EBF1: variants seen among roughly 807,000 people sequenced by gnomAD.
EBF1 encodes EBF transcription factor 1.
A neutral mutation model predicts 68.4 loss-of-function variants in EBF1; 10 were observed. The observed-to-expected ratio is 0.15, with a 90% CI of 0.09 to 0.25. The LOEUF (loss-of-function observed/expected upper bound fraction) is 0.25, where lower values mean the gene tolerates loss of function less well. EBF1 is among the 10% of genes least tolerant of loss of function. EBF1 has a pLI of 1.00. For synonymous variants in EBF1, 298 were observed against 299.8 expected (o/e 0.99, Z 0.06); for missense variants, 509 against 794.4 (o/e 0.64, Z 4.32).
chr5:158,756,904 T>C (rs1250880334), intron 10 of EBF1, among the ~76,000 whole-genome samples: 1 of 151,010 alleles, frequency 6.6e-6, no homozygotes, highest in Non-Finnish European at 1.5e-5. Context: ...GCCTTGAAGT[T>C]GAGGCACTGG....
At chr5:158,964,690 T>G (rs1373600315) in intron 6 of EBF1, among the ~76,000 whole-genome samples, 3 of 150,656 alleles carry the variant, frequency 2.0e-5, no homozygotes, top group Non-Finnish European at 4.4e-5. Flanking sequence ...GAGCTGAGCT[T>G]GGAAGGACCC....
At chr5:158,864,416 C>T (rs985501240) in intron 6 of EBF1, among the ~76,000 whole-genome samples, 4 of 151,974 alleles carry the variant, frequency 2.6e-5, no homozygotes, top group Admixed American at 1.3e-4. Context: ...TCACAGACTA[C>T]GAGAATGAGG....
chr5:158,934,633 A>G lies in EBF1; in HGVS notation c.555-94523T>C, dbSNP rs76304078. On this transcript the variant is annotated intron_variant, in intron 6 of 15. Coordinates refer to ENST00000313708, the MANE Select transcript of EBF1 (RefSeq NM_024007.5). ...TACAGAGTCTGGCACTGTAGAACTT[A>G]TAATCAGTCCAAACATTTTTCCTCT... 9.8e-3 allele frequency among the ~76,000 whole-genome samples: 1,500 copies of G among 152,378 alleles called. 9 individuals carry two copies. The highest frequency in any genetic ancestry group is 0.014 in the Middle Eastern group (4 of 294).
chr5:158,736,690 C>G (rs1765259042), intron 10 of EBF1, among the ~76,000 whole-genome samples: 1 of 152,182 alleles, frequency 6.6e-6, no homozygotes, highest in African/African-American at 2.4e-5. Context: ...GCATTTCCCT[C>G]CAAGGCAGAT....
intron 6 of EBF1, among the ~76,000 whole-genome samples, chr5:159,001,013 A>G (rs1184305951): frequency 6.6e-6 from 1 of 152,134 alleles, no homozygotes. Context: ...TTTTTTTCCA[A>G]CTATATATAT....
In EBF1 at chr5:158,994,296, G is replaced by T. The variant is rs188198218; in HGVS notation, c.554+79100C>A. On this transcript the variant is annotated intron_variant, in intron 6 of 15. Coordinates refer to ENST00000313708, the MANE Select transcript of EBF1 (RefSeq NM_024007.5). ...CTAATTTTCTATAAGTACAATGAGC[G>T]ATCTGATTCCAGATATTATTTGGGT... 2.6e-5 allele frequency among the ~76,000 whole-genome samples: 4 copies of T among 152,316 alleles called. No individual in the cohort carries two copies. The East Asian group carries it at 5.8e-4, about 22-fold the overall frequency.
At position 158,791,620 on chromosome 5, in the gene EBF1, A is replaced by G. The variant is rs139784021; in HGVS notation, c.909+4725T>C. Among the ~76,000 whole-genome samples the G allele has an allele frequency of 2.2e-4, 34 of 152,170 alleles. No homozygotes were observed. The East Asian group carries it at 6.2e-3, about 28-fold the overall frequency. The stretch of plus-strand genomic sequence containing the variant: ...ACAGCTTAAATACTCTAAATTGTAT[A>G]AATTCTGTGATAAAATAAAAGGGTC... On this transcript the variant is annotated intron_variant, in intron 9 of 15. Coordinates refer to ENST00000313708, the MANE Select transcript of EBF1 (RefSeq NM_024007.5).
intron 6 of EBF1, among the ~76,000 whole-genome samples, chr5:158,988,669 A>G (rs541951123): frequency 6.6e-6 from 1 of 152,290 alleles, no homozygotes; most frequent in African/African-American, 2.4e-5. Flanking sequence ...TGCTTTAAAT[A>G]GGCCCATTGT....
intron 6 of EBF1, among the ~76,000 whole-genome samples, chr5:158,962,040 T>A (rs979412620): frequency 3.9e-5 from 6 of 152,182 alleles, no homozygotes; most frequent in Non-Finnish European, 8.8e-5. Context: ...CATCTTTCCA[T>A]ACAAACGCTG....
chr5:159,003,723 G>C (rs75512888), intron 6 of EBF1, among the ~76,000 whole-genome samples: 1 of 152,202 alleles, frequency 6.6e-6, no homozygotes, highest in African/African-American at 2.4e-5. Flanking sequence ...CACAAGCCAT[G>C]TGCTCAAACT....
chr5:159,098,699 A>G lies in EBF1; in HGVS notation c.134+646T>C, dbSNP rs560046117. Among the ~76,000 whole-genome samples the G allele has an allele frequency of 2.0e-5, 3 of 151,432 alleles. No homozygotes were observed. The East Asian group carries it at 5.9e-4, about 30-fold the overall frequency. ...AAATGAAAGAAAGAAGAAAGAAAAG[A>G]AGGCAGGAAGAGAGACAGGAAAGAA... On this transcript the variant is annotated intron_variant, in intron 1 of 15. Transcript: ENST00000313708.
At position 158,777,492 on chromosome 5, in the gene EBF1, G is replaced by A; in HGVS notation, c.957C>T (p.Ile319=). ...AIRVQTPPRH[I]PGVVEVTLSY... Reference sequence around the variant, plus strand: ...ACAGTGTGACTTCCACAACACCAGGGATGTGCCGAGGAGGGGTCTGCACAC... The same window carrying A: ...ACAGTGTGACTTCCACAACACCAGGAATGTGCCGAGGAGGGGTCTGCACAC... The change falls in exon 10 of 16, where the codon ATC becomes ATT. Residue 319 remains isoleucine (I), a synonymous_variant. Transcript: ENST00000313708. 1.9e-6 allele frequency: 3 copies of A among 1,612,782 alleles called. No homozygotes were observed. The Admixed American group carries it at 5.0e-5, about 27-fold the overall frequency.
rs58435135 is a variant in EBF1, at chr5:158,695,988, C to CAAA, written c.*3120_*3122dup. The CAAA allele has an allele frequency of 1.3e-4, 19 of 151,376 alleles. No homozygotes were observed. Among genetic ancestry groups the CAAA allele is most frequent in the East Asian group, 3.9e-4 (4 of 10,332 alleles). The allele number at this position is 151,376 out of a possible 1,614,324, so 9.4% of individuals were successfully genotyped here. ...AAAGTTTTTACAGCTTGAATTTTTG[C>CAAA]AAAAAAAAAAAAAAAATTTAACAAT... On this transcript the variant is annotated 3_prime_UTR_variant, in exon 16 of 16. Transcript: ENST00000313708.
At chr5:158,824,600 G>A (rs757083616) in intron 7 of EBF1, among the ~76,000 whole-genome samples, 21 of 152,240 alleles carry the variant, frequency 1.4e-4, no homozygotes, top group Non-Finnish European at 2.5e-4. Flanking sequence ...GAGGTGAACC[G>A]CTTTACAAGG....
chr5:158,939,702 C>A (rs1354052337), intron 6 of EBF1, among the ~76,000 whole-genome samples: 1 of 138,758 alleles, frequency 7.2e-6, no homozygotes, highest in East Asian at 2.1e-4. Context: ...TTTAAGCACT[C>A]AATCAGCGAA....
At chr5:158,816,395 A>G (rs1783744802) in intron 8 of EBF1, among the ~76,000 whole-genome samples, 1 of 152,234 alleles carries the variant, frequency 6.6e-6, no homozygotes, top group African/African-American at 2.4e-5. Flanking sequence ...ATGGACAAGT[A>G]CAAAGAGTGC....
At chr5:158,961,093 T>C (rs1818101233) in intron 6 of EBF1, among the ~76,000 whole-genome samples, 1 of 152,214 alleles carries the variant, frequency 6.6e-6, no homozygotes, top group Non-Finnish European at 1.5e-5. Context: ...GAGCTCAGTA[T>C]TCAACCTCAG....
At chr5:158,837,334 T>C (rs1305985086) in intron 7 of EBF1, among the ~76,000 whole-genome samples, 3 of 152,258 alleles carry the variant, frequency 2.0e-5, no homozygotes, top group Non-Finnish European at 4.4e-5. Context: ...TGAGAAACCC[T>C]AGACTGAACT....
chr5:159,070,512 A>G (rs1777613407), intron 6 of EBF1, among the ~76,000 whole-genome samples: 1 of 152,192 alleles, frequency 6.6e-6, no homozygotes, highest in African/African-American at 2.4e-5. Context: ...GCCAAAATTT[A>G]ACACAGAAAT....
Sources: gnomAD v4.1 joint callset for allele counts (sites outside exome capture counted in the v4.1 genomes callset) on GRCh38, gnomAD v4.1.1 for gene constraint, MANE v1.5 for transcripts, NCBI Gene and HGNC (gene_info 2026-07-23, HGNC 2026-07-21) for gene names.